NFIX: variants seen among roughly 807,000 people sequenced by gnomAD.
The protein encoded by NFIX is nuclear factor I X, also known as nuclear factor 1 X-type.
Under a neutral mutation model 53.3 loss-of-function variants are expected in NFIX, and 2 were observed. That is an observed-to-expected ratio of 0.04 (90% CI 0.02 to 0.12). The LOEUF (loss-of-function observed/expected upper bound fraction) is 0.12, where lower values mean the gene tolerates loss of function less well. Among genes scored for constraint, NFIX ranks in the 10% least tolerant of loss-of-function variants. NFIX has a pLI of 1.00. For synonymous variants in NFIX, 244 were observed against 289.0 expected (o/e 0.84, Z 1.58); for missense variants, 310 against 674.5 (o/e 0.46, Z 5.99).
chr19:13,057,810 C>CT (rs3046160), intron 2 of NFIX, among the ~76,000 whole-genome samples: 1 of 45,938 alleles, frequency 2.2e-5, no homozygotes, highest in African/African-American at 4.4e-4. Flanking sequence ...GGAAGGCAGC[C>CT]CCTCCCTTCC....
At chr19:13,035,651 A>G (rs1463612785) in intron 2 of NFIX, among the ~76,000 whole-genome samples, 3 of 152,112 alleles carry the variant, frequency 2.0e-5, no homozygotes, top group Non-Finnish European at 4.4e-5. Context: ...AAATTTAACA[A>G]TAGAGAATGT....
chr19:13,045,694 C>T lies in NFIX; in HGVS notation c.559+20142C>T, dbSNP rs908065411. ...GGGTTGACAACTGCACTGTGTTGAC[C>T]CCATGGCGGGCATCAGGGGACCACA... On this transcript the variant is annotated intron_variant, in intron 2 of 10. Transcript: ENST00000592199. This position sits in a 1 kb window ranked among gnomAD's most constrained non-coding sequence, Gnocchi z 4.4. Among the ~76,000 whole-genome samples, 9 of 152,128 alleles carry T rather than the reference C, an allele frequency of 5.9e-5. No homozygotes were observed. The highest frequency in any genetic ancestry group is 5.9e-4 in the Admixed American group (9 of 15,280).
intron 1 of NFIX, among the ~76,000 whole-genome samples, chr19:13,023,525 GTTTTGT>G (rs1035271974): frequency 6.6e-6 from 1 of 151,902 alleles, no homozygotes; most frequent in Admixed American, 6.5e-5. Flanking sequence ...TCCCTCCTGG[GTTTTGT>G]TTTTGTTTTT....
chr19:13,077,348 G>C (rs902181572), intron 6 of NFIX, among the ~76,000 whole-genome samples: 1 of 152,120 alleles, frequency 6.6e-6, no homozygotes, highest in South Asian at 2.1e-4. Flanking sequence ...AGCACCCTCC[G>C]GCTCCCTTTT....
Position 13,073,348 on chromosome 19 carries a change from G to T in NFIX, c.623-74G>T. On this transcript the variant is annotated intron_variant, in intron 3 of 10. Transcript: ENST00000592199. This position sits in a 1 kb window ranked among gnomAD's most constrained non-coding sequence, Gnocchi z 4.5. Reference sequence around the variant, plus strand: ...ACTTGGGAGGGAGAAGCAACAGTGTGGAAGACCTTTGGAAATAGCCAGGCA... The same window carrying T: ...ACTTGGGAGGGAGAAGCAACAGTGTTGAAGACCTTTGGAAATAGCCAGGCA... 7.7e-7 allele frequency: 1 copy of T among 1,304,228 alleles called. No individual in the cohort carries two copies. The highest frequency in any genetic ancestry group is 1.2e-5 in the South Asian group (1 of 84,708). 80.8% of individuals were successfully genotyped at this position (1,304,228 alleles called of 1,614,324 possible).
intron 1 of NFIX, chr19:13,024,538 C>A: frequency 1.3e-6 from 2 of 1,526,630 alleles, no homozygotes; most frequent in Non-Finnish European, 1.8e-6. Flanking sequence ...GGACCAGAGG[C>A]GGCCCCGCAC....
At chr19:13,075,730 T>G in intron 6 of NFIX, 59 bp downstream of exon 6, 2 of 1,569,534 alleles carry the variant, frequency 1.3e-6, no homozygotes, top group Non-Finnish European at 1.7e-6. Flanking sequence ...TTTTGTCCCC[T>G]TCTCAGTTCA....
At chr19:13,050,616 G>C (rs1361042371) in intron 2 of NFIX, among the ~76,000 whole-genome samples, 1 of 152,150 alleles carries the variant, frequency 6.6e-6, no homozygotes, top group Admixed American at 6.5e-5. Flanking sequence ...ATCTGTGTGT[G>C]ACCCACACAG....
At chr19:13,054,936 C>T (rs2015558526) in intron 2 of NFIX, among the ~76,000 whole-genome samples, 1 of 152,072 alleles carries the variant, frequency 6.6e-6, no homozygotes, top group African/African-American at 2.4e-5. Flanking sequence ...TTCCCCCCCT[C>T]TTGTTAAAAA....
chr19:13,074,169 C>A, intron 5 of NFIX, 143 bp downstream of exon 5: 1 of 1,081,246 alleles, frequency 9.2e-7, no homozygotes, highest in Non-Finnish European at 1.3e-6. Context: ...GGCTCTAACA[C>A]TTTAGAGTCC....
chr19:13,087,929 G>A (rs2017885796), intron 8 of NFIX, 60 bp from the exon 9 acceptor site: 1 of 1,530,866 alleles, frequency 6.5e-7, no homozygotes, highest in Non-Finnish European at 8.7e-7. Context: ...GGCCGCGCAG[G>A]GGAGCGTGTG....
In NFIX at chr19:13,068,054, G is replaced by A. The variant is rs1022967760; in HGVS notation, c.560-4993G>A. On this transcript the variant is annotated intron_variant, in intron 2 of 10. Transcript: ENST00000592199. This position sits in a 1 kb window ranked among gnomAD's most constrained non-coding sequence, Gnocchi z 4.2. ...CAGGAGGTGGGGCTTGCAGTGAGCCGAGATCGCACCACTGCACTCCAGCCT... is the reference window on the plus strand; with the variant it reads ...CAGGAGGTGGGGCTTGCAGTGAGCCAAGATCGCACCACTGCACTCCAGCCT... Among the ~76,000 whole-genome samples the A allele has an allele frequency of 6.6e-6, 1 of 151,692 alleles. No individual in the cohort carries two copies. Among genetic ancestry groups the A allele is most frequent in the Non-Finnish European group, 1.5e-5 (1 of 67,934 alleles).
Position 13,088,169 on chromosome 19 carries a change from C to T in NFIX, c.1402+33C>T, listed in dbSNP as rs1293212871. 6 of 1,535,728 alleles carry T rather than the reference C, an allele frequency of 3.9e-6. No individual in the cohort carries two copies. The highest frequency in any genetic ancestry group is 5.2e-6 in the Non-Finnish European group (6 of 1,146,412). ...GACGATGAAACCGAAACCACAACGC[C>T]CAGCGTCCCCGGCCCGTCCAAACAG... On this transcript the variant is annotated intron_variant, in intron 9 of 10. Coordinates refer to ENST00000592199, the MANE Select transcript of NFIX (RefSeq NM_001365902.3). The surrounding 1 kb of genome is among the most constrained non-coding windows in gnomAD (Gnocchi z 5.9).
Position 13,013,499 on chromosome 19 carries a change from G to GTGACCCTGGGGCAGCGGC in NFIX, c.28-11513_28-11496dup, listed in dbSNP as rs1390922650. On this transcript the variant is annotated intron_variant, in intron 1 of 10. Transcript: ENST00000592199. The surrounding 1 kb of genome is among the most constrained non-coding windows in gnomAD (Gnocchi z 5.9). ...GCCCGCTGCAGCTGCGCCCGGGGAG[G>GTGACCCTGGGGCAGCGGC]TGACCCTGGGGCAGCGGCTGACCCT... Among the ~76,000 whole-genome samples, 2 of 152,100 alleles carry GTGACCCTGGGGCAGCGGC rather than the reference G, an allele frequency of 1.3e-5. No individual in the cohort carries two copies. Among genetic ancestry groups the GTGACCCTGGGGCAGCGGC allele is most frequent in the Non-Finnish European group, 2.9e-5 (2 of 68,024 alleles).
At chr19:13,039,677 C>T (rs2014477568) in intron 2 of NFIX, among the ~76,000 whole-genome samples, 1 of 152,196 alleles carries the variant, frequency 6.6e-6, no homozygotes, top group Non-Finnish European at 1.5e-5. Context: ...CAAGTTGGCC[C>T]TGGGCTCAGC....
At chr19:13,044,120 C>T (rs1247816995) in intron 2 of NFIX, among the ~76,000 whole-genome samples, 1 of 152,208 alleles carries the variant, frequency 6.6e-6, no homozygotes, top group Non-Finnish European at 1.5e-5. Flanking sequence ...TGACTGTCCT[C>T]AGGCCCTGGG....
intron 1 of NFIX, among the ~76,000 whole-genome samples, chr19:13,019,285 A>G (rs138449143): frequency 2.8e-4 from 43 of 152,208 alleles, no homozygotes; most frequent in African/African-American, 1.0e-3. Flanking sequence ...TTAACACTGT[A>G]TATGTGAGTG....
At chr19:13,038,494 A>G (rs2014369186) in intron 2 of NFIX, among the ~76,000 whole-genome samples, 1 of 152,174 alleles carries the variant, frequency 6.6e-6, no homozygotes, top group Non-Finnish European at 1.5e-5. Context: ...CCCAAATGAA[A>G]CAAATGAGGC....
intron 2 of NFIX, among the ~76,000 whole-genome samples, chr19:13,026,744 CTGTGTG>C (rs201026735): frequency 1.1e-4 from 16 of 150,014 alleles, no homozygotes; most frequent in South Asian, 2.1e-4. Context: ...CTCTCTCTCT[CTGTGTG>C]TGTGTGTGTG....
Sources: allele counts gnomAD v4.1 joint callset (sites outside exome capture counted in the v4.1 genomes callset), GRCh38; gene constraint gnomAD v4.1.1; non-coding constraint Gnocchi (gnomAD v3.1); transcripts MANE v1.5; gene names NCBI Gene and HGNC (gene_info 2026-07-23, HGNC 2026-07-21).